The following BAIAP2 variants were observed in gnomAD, a reference collection of about 807,000 sequenced individuals.
The protein encoded by BAIAP2 is BAR/IMD domain-containing adapter protein 2.
In BAIAP2, 18 loss-of-function variants were observed where a neutral mutation model predicts 63.0. That is an observed-to-expected ratio of 0.29 (90% CI 0.20 to 0.42). The LOEUF (loss-of-function observed/expected upper bound fraction) is 0.42. Among genes scored for constraint, BAIAP2 ranks in the 10% least tolerant of loss-of-function variants. The probability of loss-of-function intolerance (pLI) is 1.00; values close to 1 mark genes in which losing one functional copy is unlikely to be tolerated. For synonymous variants in BAIAP2, 386 were observed against 307.6 expected (o/e 1.25, Z -2.67); for missense variants, 610 against 734.3 (o/e 0.83, Z 1.96).
chr17:81,079,464 G>A (rs752843720), intron 3 of BAIAP2, among the ~76,000 whole-genome samples: 3 of 151,940 alleles, frequency 2.0e-5, no homozygotes, highest in Non-Finnish European at 2.9e-5. Context: ...CAGGATGACT[G>A]TGTAGACACA....
chr17:81,103,730 CTG>C lies in BAIAP2; in HGVS notation c.864+10_864+11del. On this transcript the variant is annotated splice_region_variant and intron_variant, in intron 8 of 13. Coordinates refer to ENST00000428708, the MANE Select transcript of BAIAP2 (RefSeq NM_001144888.2). ...GCTGGCACCGTTCGTGGGGGTGAGT[CTG>C]TGGCCTCTGGAAAGCTTCACGGGTG... The C allele has an allele frequency of 6.4e-7, 1 of 1,552,970 alleles. No individual in the cohort carries two copies. The highest frequency in any genetic ancestry group is 1.1e-5 in the South Asian group (1 of 89,596).
At chr17:81,107,490 G>C (rs1380104037) in intron 12 of BAIAP2, 1 of 152,848 alleles carries the variant, frequency 6.5e-6, no homozygotes, top group East Asian at 1.9e-4. Flanking sequence ...TGGCGGTCCT[G>C]GTATCTAGGC....
At chr17:81,084,401 G>A (rs2055193420) in intron 3 of BAIAP2, among the ~76,000 whole-genome samples, 1 of 152,192 alleles carries the variant, frequency 6.6e-6, no homozygotes, top group Non-Finnish European at 1.5e-5. Context: ...GAGGAGGTTT[G>A]TGCGCTGTGG....
At chr17:81,104,749 C>T (rs377546593) in intron 10 of BAIAP2, 34 bp downstream of exon 10, 202 of 1,529,166 alleles carry the variant, frequency 1.3e-4, no homozygotes, top group Non-Finnish European at 1.6e-4. Flanking sequence ...TCCAGGCAGC[C>T]GCTGCCTTCA....
intron 1 of BAIAP2, among the ~76,000 whole-genome samples, chr17:81,036,553 A>G (rs1424340613): frequency 6.6e-6 from 1 of 152,214 alleles, no homozygotes; most frequent in Non-Finnish European, 1.5e-5. Context: ...GGCCGATTGC[A>G]CTTGAATACA....
At chr17:81,095,922 C>G (rs562306883) in intron 6 of BAIAP2, among the ~76,000 whole-genome samples, 17 of 152,278 alleles carry the variant, frequency 1.1e-4, no homozygotes, top group Non-Finnish European at 2.4e-4. Flanking sequence ...GCTGTACTCT[C>G]CCCTGGGGAA....
chr17:81,051,817 G>A (rs910308301), intron 1 of BAIAP2, among the ~76,000 whole-genome samples: 2 of 152,148 alleles, frequency 1.3e-5, no homozygotes, highest in East Asian at 3.9e-4. Flanking sequence ...AGCCTCCTGA[G>A]TAGCTGGGAC....
At chr17:81,055,727 G>A (rs1441216555) in intron 2 of BAIAP2, among the ~76,000 whole-genome samples, 18 of 151,870 alleles carry the variant, frequency 1.2e-4, no homozygotes, top group South Asian at 2.1e-4. Context: ...CACCACGCCC[G>A]GCTAATTTTT....
intron 1 of BAIAP2, among the ~76,000 whole-genome samples, chr17:81,041,380 T>C (rs1667406700): frequency 6.6e-6 from 1 of 152,170 alleles, no homozygotes; most frequent in Non-Finnish European, 1.5e-5. Flanking sequence ...AGGGGTGGGA[T>C]GCACGCGGCA....
At chr17:81,108,263 C>G (rs1044990085) in intron 12 of BAIAP2, 1 of 603,500 alleles carries the variant, frequency 1.7e-6, no homozygotes, top group African/African-American at 1.9e-5. Context: ...GGAGGTATCC[C>G]CTTTAATTTG....
At chr17:81,102,243 C>A (rs2058591797) in intron 7 of BAIAP2, among the ~76,000 whole-genome samples, 1 of 152,112 alleles carries the variant, frequency 6.6e-6, no homozygotes, top group Admixed American at 6.5e-5. Flanking sequence ...TGGGTTTGGG[C>A]CTGCCTCGGG....
At chr17:81,057,707 C>A (rs971126183) in intron 2 of BAIAP2, 174 bp from the exon 3 acceptor site, 1 of 1,385,840 alleles carries the variant, frequency 7.2e-7, no homozygotes, top group Admixed American at 3.3e-5. Context: ...ACAAGAATAT[C>A]AACAAGAGAT....
At position 81,103,971 on chromosome 17, in the gene BAIAP2, A is replaced by G; in HGVS notation, c.929A>G (p.Tyr310Cys). 2 of 1,613,090 alleles carry G rather than the reference A, an allele frequency of 1.2e-6. No individual in the cohort carries two copies. Among genetic ancestry groups the G allele is most frequent in the East Asian group, 2.2e-5 (1 of 44,876 alleles). ...GTCACAGGCCCGGATGGCGAGGACT[A>G]CAGCCCGTGGGCTGACCGCAAGGCT... ...NGVTGPDGEDYSPWADRKAAQ... is the reference protein window; with the variant it reads ...NGVTGPDGEDCSPWADRKAAQ... Residue 310 changes from tyrosine (Y) to cysteine (C), a missense_variant, in exon 9 of 14, where the codon TAC becomes TGC. Coordinates refer to ENST00000428708, the MANE Select transcript of BAIAP2 (RefSeq NM_001144888.2).
At chr17:81,053,416 T>C (rs1467939273) in intron 1 of BAIAP2, 3 of 532,516 alleles carry the variant, frequency 5.6e-6, no homozygotes, top group East Asian at 6.6e-5. Flanking sequence ...CCGCAGACAC[T>C]CCTCTGCGGC....
At chr17:81,086,964 A>G (rs1429919234) in intron 6 of BAIAP2, 6 of 191,182 alleles carry the variant, frequency 3.1e-5, no homozygotes, top group Admixed American at 1.6e-4. Flanking sequence ...GTGGTACTTC[A>G]GGTTCCTCGA....
At chr17:81,085,174 C>G (rs1053493136) in intron 4 of BAIAP2, 2 of 544,990 alleles carry the variant, frequency 3.7e-6, no homozygotes, top group Non-Finnish European at 6.6e-6. Context: ...CCAGACCCCA[C>G]TCCTGGGGTT....
intron 13 of BAIAP2, chr17:81,110,366 A>T: frequency 1.0e-6 from 1 of 986,666 alleles, no homozygotes. Flanking sequence ...TGCTCAATGG[A>T]TGAATGTAGA....
chr17:81,045,735 C>G (rs1270087821), intron 1 of BAIAP2, among the ~76,000 whole-genome samples: 1 of 152,178 alleles, frequency 6.6e-6, no homozygotes, highest in African/African-American at 2.4e-5. Flanking sequence ...TGCGTGGGAC[C>G]TGGGTGTCTC....
chr17:81,088,075 C>A (rs558923786), intron 6 of BAIAP2, among the ~76,000 whole-genome samples: 24 of 152,020 alleles, frequency 1.6e-4, no homozygotes, highest in Admixed American at 1.6e-3. Context: ...TGTTTTTCTT[C>A]TTCCTCCCAC....
Sources: allele counts gnomAD v4.1 joint callset (sites outside exome capture counted in the v4.1 genomes callset), GRCh38; gene constraint gnomAD v4.1.1; transcripts MANE v1.5; gene names NCBI Gene and HGNC (gene_info 2026-07-23, HGNC 2026-07-21).